The following PTPN5 variants were observed in gnomAD, a reference collection of about 807,000 sequenced individuals.
PTPN5 encodes protein tyrosine phosphatase non-receptor type 5, also known as tyrosine-protein phosphatase non-receptor type 5.
In PTPN5, 29 loss-of-function variants were observed where a neutral mutation model predicts 73.9. The ratio of observed to expected loss-of-function variants is 0.39; its 90% CI spans 0.29 to 0.54. The LOEUF (loss-of-function observed/expected upper bound fraction) is 0.54, where lower values mean the gene tolerates loss of function less well. Ranked by LOEUF, PTPN5 falls within the 20% of genes least tolerant of loss-of-function variation. The pLI is 0.65. For missense variants in PTPN5, 652 were observed against 751.4 expected (o/e 0.87, Z 1.55); for synonymous variants, 267 against 304.7 (o/e 0.88, Z 1.29).
intron 3 of PTPN5, among the ~76,000 whole-genome samples, chr11:18,755,197 G>T (rs986598826): frequency 4.6e-5 from 7 of 152,192 alleles, no homozygotes; most frequent in Non-Finnish European, 1.0e-4. Context: ...TGGCCCAGAG[G>T]CTGCAAGGAA....
chr11:18,746,197 T>TACACA (rs1849630398), intron 3 of PTPN5, among the ~76,000 whole-genome samples: 4 of 51,738 alleles, frequency 7.7e-5, no homozygotes, highest in South Asian at 6.8e-4. Context: ...ATATATACAT[T>TACACA]TTTTTTTTTT....
intron 12 of PTPN5, among the ~76,000 whole-genome samples, chr11:18,731,383 TG>T (rs1848870173): frequency 6.6e-6 from 1 of 152,112 alleles, no homozygotes; most frequent in African/African-American, 2.4e-5. Flanking sequence ...GTCCAAGCTT[TG>T]GGAAGCTCTG....
At chr11:18,779,950 T>TG (rs1851346045) in intron 1 of PTPN5, among the ~76,000 whole-genome samples, 1 of 152,142 alleles carries the variant, frequency 6.6e-6, no homozygotes, top group South Asian at 2.1e-4. Flanking sequence ...TGATGAAGCC[T>TG]GGGAAGCGAG....
At chr11:18,745,248 T>C (rs1423948393) in intron 3 of PTPN5, among the ~76,000 whole-genome samples, 1 of 152,204 alleles carries the variant, frequency 6.6e-6, no homozygotes, top group Non-Finnish European at 1.5e-5. Context: ...CATATCATGC[T>C]GTATATGGGA....
chr11:18,775,033 A>G (rs1444777340), intron 1 of PTPN5, among the ~76,000 whole-genome samples: 1 of 152,244 alleles, frequency 6.6e-6, no homozygotes, highest in Non-Finnish European at 1.5e-5. Flanking sequence ...CACACAGGCC[A>G]GGAACTGCTC....
chr11:18,765,629 G>C (rs1414213618), intron 3 of PTPN5, among the ~76,000 whole-genome samples, 178 bp downstream of exon 3: 2 of 152,218 alleles, frequency 1.3e-5, no homozygotes, highest in Non-Finnish European at 2.9e-5. Context: ...TAACAGGTCA[G>C]AAGGCATCAG....
At chr11:18,755,690 A>C (rs1308608838) in intron 3 of PTPN5, among the ~76,000 whole-genome samples, 1 of 152,068 alleles carries the variant, frequency 6.6e-6, no homozygotes, top group Admixed American at 6.5e-5. Flanking sequence ...GGTGATGTTC[A>C]ACAGGGATAT....
chr11:18,773,390 G>A lies in PTPN5; in HGVS notation c.-113-1319C>T, dbSNP rs143412091. 2.3e-3 allele frequency among the ~76,000 whole-genome samples: 350 copies of A among 152,232 alleles called. 3 individuals are homozygous for A. Among genetic ancestry groups the A allele is most frequent in the African/African-American group, 7.7e-3 (319 of 41,548 alleles). On this transcript the variant is annotated intron_variant, in intron 1 of 14. Coordinates refer to ENST00000358540, the MANE Select transcript of PTPN5 (RefSeq NM_006906.2). ...ACAGAGCCCATCAGTTTCATGACTGGTGCCTGGTGTGTGGGTGGGTGGCAC... is the reference window on the plus strand; with the variant it reads ...ACAGAGCCCATCAGTTTCATGACTGATGCCTGGTGTGTGGGTGGGTGGCAC...
intron 2 of PTPN5, among the ~76,000 whole-genome samples, chr11:18,770,624 C>T (rs921744393): frequency 6.6e-6 from 1 of 152,254 alleles, no homozygotes; most frequent in Non-Finnish European, 1.5e-5. Context: ...TGTTTCCACT[C>T]TCCTCCCATC....
At position 18,740,802 on chromosome 11, in the gene PTPN5, C is replaced by G; in HGVS notation, c.726-10G>C. ...GACATTGGAACCCCTCCTGGAAGGACCAGGAAAGGGAGTGTGAGCCTCAGG... is the reference window on the plus strand; with the variant it reads ...GACATTGGAACCCCTCCTGGAAGGAGCAGGAAAGGGAGTGTGAGCCTCAGG... On this transcript the variant is annotated splice_polypyrimidine_tract_variant and intron_variant, in intron 7 of 14. Coordinates refer to ENST00000358540, the MANE Select transcript of PTPN5 (RefSeq NM_006906.2). 6.7e-7 allele frequency: 1 copy of G among 1,499,434 alleles called. No homozygotes were observed. Among genetic ancestry groups the G allele is most frequent in the South Asian group, 1.4e-5 (1 of 73,262 alleles). 92.9% of individuals were successfully genotyped at this position (1,499,434 alleles called of 1,614,324 possible).
At chr11:18,784,990 G>A (rs1851604135) in intron 1 of PTPN5, among the ~76,000 whole-genome samples, 3 of 151,904 alleles carry the variant, frequency 2.0e-5, no homozygotes, top group African/African-American at 4.8e-5. Context: ...AGTAGGAGGG[G>A]CTGCAGGTGT....
chr11:18,760,952 A>C, intron 3 of PTPN5, among the ~76,000 whole-genome samples: 1 of 152,364 alleles, frequency 6.6e-6, no homozygotes, highest in Middle Eastern at 3.4e-3. Flanking sequence ...GCTCAGGTAC[A>C]TCCCTGTGAG....
Position 18,729,948 on chromosome 11 carries a change from C to T in PTPN5, c.1330-130G>A, listed in dbSNP as rs1347444298. The T allele has an allele frequency of 8.0e-7, 1 of 1,255,948 alleles. No homozygotes were observed. Among genetic ancestry groups the T allele is most frequent in the Non-Finnish European group, 1.1e-6 (1 of 879,414 alleles). The allele number at this position is 1,255,948 out of a possible 1,614,324, so 77.8% of individuals were successfully genotyped here. A position where few individuals can be genotyped will look rare whatever the true frequency, so the allele number is the denominator to read the frequency against. ...ACACTGAGAGTGGGACCCCTTCACC[C>T]TTCCATCTAGGCCACATTGCCCAGT... is the stretch of plus-strand genomic sequence containing the variant. On this transcript the variant is annotated intron_variant, in intron 12 of 14. Transcript: ENST00000358540. This position sits in a 1 kb window ranked among gnomAD's most constrained non-coding sequence, Gnocchi z 5.2.
chr11:18,775,970 G>T (rs1194253688), intron 1 of PTPN5, among the ~76,000 whole-genome samples: 1 of 152,212 alleles, frequency 6.6e-6, no homozygotes, highest in Non-Finnish European at 1.5e-5. Flanking sequence ...GTTCAGCTGT[G>T]ATTTGATGCT....
At chr11:18,746,522 G>A (rs900148646) in intron 3 of PTPN5, among the ~76,000 whole-genome samples, 1 of 152,030 alleles carries the variant, frequency 6.6e-6, no homozygotes, top group Non-Finnish European at 1.5e-5. Context: ...TACTACAGAC[G>A]AAACACCTAG....
rs765668669 is a variant in PTPN5, at chr11:18,742,985, G to A, written c.483+7C>T. 2.2e-5 allele frequency: 34 copies of A among 1,537,572 alleles called. No homozygotes were observed. The highest frequency in any genetic ancestry group is 3.9e-5 in the Admixed American group (2 of 50,960). ...AGCCTTGAGGTTGGGGTCAGGAGGCGCCTTACCAGGGTGGTAACGAGGACC... is the reference window on the plus strand; with the variant it reads ...AGCCTTGAGGTTGGGGTCAGGAGGCACCTTACCAGGGTGGTAACGAGGACC... On this transcript the variant is annotated splice_region_variant and intron_variant, in intron 6 of 14. Coordinates refer to ENST00000358540, the MANE Select transcript of PTPN5 (RefSeq NM_006906.2). This position sits in a 1 kb window ranked among gnomAD's most constrained non-coding sequence, Gnocchi z 4.1.
Position 18,729,223 on chromosome 11 carries a change from C to T in PTPN5, c.1605-196G>A, listed in dbSNP as rs1261449119. ...TGACATGTCCTACCACTTTCGGCCT[C>T]TGTCCTTTTATCCACCAGCTCTGCT... is the stretch of plus-strand genomic sequence containing the variant. On this transcript the variant is annotated intron_variant, in intron 14 of 14. Coordinates refer to ENST00000358540, the MANE Select transcript of PTPN5 (RefSeq NM_006906.2). This position sits in a 1 kb window ranked among gnomAD's most constrained non-coding sequence, Gnocchi z 5.2. Among the ~76,000 whole-genome samples, 2 of 152,184 alleles carry T rather than the reference C, an allele frequency of 1.3e-5. No individual in the cohort carries two copies. The highest frequency in any genetic ancestry group is 4.8e-5 in the African/African-American group (2 of 41,454).
intron 2 of PTPN5, among the ~76,000 whole-genome samples, chr11:18,771,637 G>A (rs1850904672): frequency 6.6e-6 from 1 of 152,216 alleles, no homozygotes; most frequent in African/African-American, 2.4e-5. Flanking sequence ...GCCAAATGCA[G>A]GGTAGTGGCA....
Position 18,729,964 on chromosome 11 carries a change from A to G in PTPN5, c.1330-146T>C. 1 of 1,077,350 alleles carries G rather than the reference A, an allele frequency of 9.3e-7. No individual in the cohort carries two copies. The highest frequency in any genetic ancestry group is 1.4e-5 in the South Asian group (1 of 69,824). The allele number at this position is 1,077,350 out of a possible 1,614,324, so 66.7% of individuals were successfully genotyped here. On this transcript the variant is annotated intron_variant, in intron 12 of 14. Coordinates refer to ENST00000358540, the MANE Select transcript of PTPN5 (RefSeq NM_006906.2). The surrounding 1 kb of genome is among the most constrained non-coding windows in gnomAD (Gnocchi z 5.2). Reference sequence around the variant, plus strand: ...CCCTTCACCCTTCCATCTAGGCCACATTGCCCAGTGGCACCAGACACAGAC... The same window carrying G: ...CCCTTCACCCTTCCATCTAGGCCACGTTGCCCAGTGGCACCAGACACAGAC...
Sources: allele counts gnomAD v4.1 joint callset (sites outside exome capture counted in the v4.1 genomes callset), GRCh38; gene constraint gnomAD v4.1.1; non-coding constraint Gnocchi (gnomAD v3.1); transcripts MANE v1.5; gene names NCBI Gene and HGNC (gene_info 2026-07-23, HGNC 2026-07-21).